The following HOOK1 variants were observed in gnomAD, a reference collection of about 807,000 sequenced individuals.
HOOK1 encodes the protein protein Hook homolog 1.
In HOOK1, 60 loss-of-function variants were observed where a neutral mutation model predicts 112.8. The ratio of observed to expected loss-of-function variants is 0.53; its 90% CI spans 0.43 to 0.66. The LOEUF (loss-of-function observed/expected upper bound fraction) is 0.66. HOOK1 is among the 30% of genes least tolerant of loss of function. The pLI, the probability that HOOK1 is intolerant of heterozygous loss-of-function variation, is 0.00. For synonymous variants in HOOK1, 294 were observed against 283.8 expected (o/e 1.04, Z -0.36); for missense variants, 770 against 856.0 (o/e 0.90, Z 1.25).
rs1363806894 is a variant in HOOK1, at chr1:59,860,259, G to A, written c.1463G>A (p.Arg488His). 6.2e-6 allele frequency: 10 copies of A among 1,610,520 alleles called. No homozygotes were observed. The highest frequency in any genetic ancestry group is 5.3e-5 in the African/African-American group (4 of 74,802). The stretch of plus-strand genomic sequence containing the variant: ...CAGCAAGAAGGCTCTGAGAATGAAC[G>A]TATTGAGGAACTTCAGGAGCAGCTA... ...RLQQEGSENE[R>H]IEELQEQLEQ... Residue 488 changes from arginine (R) to histidine (H), a missense_variant, in exon 15 of 22, where the codon CGT becomes CAT. Arg to His is a conservative substitution (Grantham distance 29). Transcript: ENST00000371208.
At position 59,875,920 on chromosome 1, in the gene HOOK1, TTA is replaced by T. The variant is rs1296495458; in HGVS notation, c.*2956_*2957del. ...GATAATTAGAGTGCTAATTTGAATG[TTA>T]GATAATGTTTCCACATCTATACCTA... On this transcript the variant is annotated 3_prime_UTR_variant, in exon 22 of 22. Transcript: ENST00000371208. 2 of 152,646 alleles carry T rather than the reference TTA, an allele frequency of 1.3e-5. No individual in the cohort carries two copies. Among genetic ancestry groups the T allele is most frequent in the Non-Finnish European group, 2.9e-5 (2 of 68,042 alleles). 9.5% of individuals were successfully genotyped at this position (152,646 alleles called of 1,614,324 possible).
chr1:59,844,364 A>G (rs2098402531), intron 9 of HOOK1, among the ~76,000 whole-genome samples: 1 of 151,964 alleles, frequency 6.6e-6, no homozygotes, highest in Non-Finnish European at 1.5e-5. Flanking sequence ...ACATTCTCTT[A>G]TAAGCCACGT....
intron 2 of HOOK1, among the ~76,000 whole-genome samples, chr1:59,826,638 A>AT (rs1323836151): frequency 6.6e-6 from 1 of 152,182 alleles, no homozygotes; most frequent in Admixed American, 6.5e-5. Context: ...ACATACTTGG[A>AT]TTTTTTTAGG....
At chr1:59,847,303 G>A (rs1574202657) in intron 10 of HOOK1, 118 bp downstream of exon 10, 2 of 867,972 alleles carry the variant, frequency 2.3e-6, no homozygotes, top group East Asian at 5.5e-5. Flanking sequence ...GTATTGATCA[G>A]TTTTTAATCC....
chr1:59,828,432 C>T (rs1293958672), intron 2 of HOOK1, among the ~76,000 whole-genome samples: 6 of 152,176 alleles, frequency 3.9e-5, no homozygotes, highest in Middle Eastern at 6.8e-3. Flanking sequence ...GGAGTATTTG[C>T]CAAGTTACCA....
At chr1:59,854,019 TATATATATATATATATA>T (rs1234227649) in intron 12 of HOOK1, among the ~76,000 whole-genome samples, 1 of 24,230 alleles carries the variant, frequency 4.1e-5, no homozygotes, top group African/African-American at 1.7e-4. Context: ...TATATATATA[TATATATATATATATATA>T]TATTTTTTTT....
In HOOK1 at chr1:59,865,923, T is replaced by C. The variant is rs1420685738; in HGVS notation, c.1796T>C (p.Met599Thr). 17 of 1,598,076 alleles carry C rather than the reference T, an allele frequency of 1.1e-5. No homozygotes were observed. Among genetic ancestry groups the C allele is most frequent in the Non-Finnish European group, 1.4e-5 (17 of 1,172,424 alleles). ...GCTCTTCAGAAGAAAGATGAAGATA[T>C]GAAAGCAATGGAGGAAAGATATAAA... ...EAALQKKDEDMKAMEERYKMY... is the reference protein window; with the variant it reads ...EAALQKKDEDTKAMEERYKMY... The change falls in exon 19 of 22, where the codon ATG (methionine) becomes ACG (threonine). Residue 599 changes from methionine (M) to threonine (T), a missense_variant. Physicochemically the swap from Met to Thr is moderately conservative, Grantham distance 81. Transcript: ENST00000371208.
chr1:59,816,112 G>A (rs979552085), intron 1 of HOOK1, among the ~76,000 whole-genome samples: 1 of 152,198 alleles, frequency 6.6e-6, no homozygotes. Flanking sequence ...TTGCGTCTAG[G>A]GGAGTGTGTG....
Position 59,840,314 on chromosome 1 carries a change from AGAG to A in HOOK1, c.545_547del (p.Arg182_Ala183delinsThr). The A allele has an allele frequency of 6.4e-7, 1 of 1,571,964 alleles. No homozygotes were observed. On this transcript the variant is annotated inframe_deletion, in exon 8 of 22. Coordinates refer to ENST00000371208, the MANE Select transcript of HOOK1 (RefSeq NM_015888.6). ...AGGACATTTTGTATTTCAGCTTAAA[AGAG>A]CCTTGGAAGAACTTCAGGAAGCACT...
chr1:59,871,175 G>A (rs949996030), intron 21 of HOOK1, 65 bp downstream of exon 21: 6 of 1,007,130 alleles, frequency 6.0e-6, no homozygotes, highest in African/African-American at 1.6e-5. Flanking sequence ...TTTTGACCAA[G>A]TACAACATAA....
rs889221667 is a variant in HOOK1, at chr1:59,864,061, C to T, written c.1627-571C>T. On this transcript the variant is annotated intron_variant, in intron 16 of 21. Transcript: ENST00000371208. The stretch of plus-strand genomic sequence containing the variant: ...AAATACTTCACCTATACAATAGATG[C>T]GGAACGACTATTGCAATTTAAAGTA... 3.3e-5 allele frequency among the ~76,000 whole-genome samples: 5 copies of T among 151,802 alleles called. 1 individual carries two copies. The highest frequency in any genetic ancestry group is 7.3e-5 in the African/African-American group (3 of 41,354).
At chr1:59,859,334 A>G (rs1264523214) in intron 14 of HOOK1, among the ~76,000 whole-genome samples, 5 of 152,142 alleles carry the variant, frequency 3.3e-5, no homozygotes, top group Admixed American at 3.3e-4. Flanking sequence ...ATTTAAGTAT[A>G]TACTTTAAAG....
intron 2 of HOOK1, among the ~76,000 whole-genome samples, chr1:59,826,081 G>T (rs545123593): frequency 1.3e-5 from 2 of 152,026 alleles, no homozygotes; most frequent in South Asian, 4.2e-4. Context: ...ATAGTAACTA[G>T]TAGGTATTTC....
At chr1:59,872,701 G>T in intron 21 of HOOK1, 94 bp from the exon 22 acceptor site, 1 of 730,968 alleles carries the variant, frequency 1.4e-6, no homozygotes, top group African/African-American at 1.8e-5. Flanking sequence ...AGCTTTATAG[G>T]TTGGTTTTAA....
intron 6 of HOOK1, among the ~76,000 whole-genome samples, chr1:59,836,548 C>T (rs2098397786): frequency 6.6e-6 from 1 of 151,962 alleles, no homozygotes; most frequent in Admixed American, 6.6e-5. Flanking sequence ...TATATGAATC[C>T]CTTTAAAAAT....
intron 12 of HOOK1, among the ~76,000 whole-genome samples, chr1:59,854,030 ATATATATATTTTTTTTTTTTT>A (rs2098409001): frequency 1.6e-4 from 4 of 24,248 alleles, no homozygotes; most frequent in African/African-American, 8.5e-4. Flanking sequence ...ATATATATAT[ATATATATATTTTTTTTTTTTT>A]TTTTTTTTTT....
intron 7 of HOOK1, among the ~76,000 whole-genome samples, chr1:59,837,442 A>G (rs78429531): frequency 0.032 from 4,883 of 152,264 alleles, 137 homozygotes; most frequent in Admixed American, 0.087. Flanking sequence ...TTTTTCTGTT[A>G]TATTTTTAAA....
chr1:59,869,701 G>A (rs973854743), intron 20 of HOOK1, among the ~76,000 whole-genome samples: 1 of 152,080 alleles, frequency 6.6e-6, no homozygotes, highest in African/African-American at 2.4e-5. Flanking sequence ...ACACCAACCC[G>A]ATACGCCCTT....
chr1:59,848,344 A>G lies in HOOK1; in HGVS notation c.959A>G (p.Glu320Gly). ...ACCTCTGATAAAGCAAATAAACTGG[A>G]GTCAACAGTTGAGATATATCGTCAG... is the stretch of plus-strand genomic sequence containing the variant. ...RATSDKANKL[E>G]STVEIYRQKL... Residue 320 changes from glutamate to glycine, a missense_variant, in exon 11 of 22, where the codon GAG (glutamate) becomes GGG (glycine). Coordinates refer to ENST00000371208, the MANE Select transcript of HOOK1 (RefSeq NM_015888.6). 2 of 1,610,998 alleles carry G rather than the reference A, an allele frequency of 1.2e-6. No homozygotes were observed. Among genetic ancestry groups the G allele is most frequent in the Non-Finnish European group, 1.7e-6 (2 of 1,177,864 alleles).
Sources: allele counts gnomAD v4.1 joint callset (sites outside exome capture counted in the v4.1 genomes callset), GRCh38; gene constraint gnomAD v4.1.1; transcripts MANE v1.5; gene names NCBI Gene and HGNC (gene_info 2026-07-23, HGNC 2026-07-21).